The following MACROD2 variants were observed in gnomAD, a reference collection of about 807,000 sequenced individuals.
MACROD2 encodes mono-ADP ribosylhydrolase 2.
MACROD2 carries 36 observed loss-of-function variants against 70.4 expected under a neutral mutation model. The observed-to-expected ratio is 0.51, with a 90% CI of 0.39 to 0.68. The LOEUF is 0.68. MACROD2 is among the 30% of genes least tolerant of loss of function. The pLI, the probability that MACROD2 is intolerant of heterozygous loss-of-function variation, is 0.00. For missense variants in MACROD2, 496 were observed against 538.4 expected, an observed-to-expected ratio of 0.92 and a Z score of 0.78; for synonymous variants, 172 against 178.8, an observed-to-expected ratio of 0.96 and a Z score of 0.30.
chr20:16,048,296 A>G lies in MACROD2; in HGVS notation c.1301-1534A>G, dbSNP rs16997009. 4.1e-3 allele frequency among the ~76,000 whole-genome samples: 619 copies of G among 152,314 alleles called. 1 individual carries two copies. Among genetic ancestry groups the G allele is most frequent in the East Asian group, 8.1e-3 (42 of 5,186 alleles). ...ACGTTAAGAGAGTAGGAAATTTTGA[A>G]GATTTTATAAAATAACTACATTTGA... On this transcript the variant is annotated intron_variant, in intron 17 of 17. Transcript: ENST00000684519.
chr20:15,247,484 A>AT (rs562972204), intron 6 of MACROD2, among the ~76,000 whole-genome samples: 15 of 152,152 alleles, frequency 9.9e-5, no homozygotes, highest in Non-Finnish European at 1.3e-4. Context: ...ACAAAAAAGT[A>AT]TTTTTTTAAA....
At chr20:15,309,441 C>T (rs1389150213) in intron 6 of MACROD2, among the ~76,000 whole-genome samples, 3 of 152,188 alleles carry the variant, frequency 2.0e-5, no homozygotes, top group Non-Finnish European at 4.4e-5. Context: ...TAATTGGCAC[C>T]TAGCACCTTG....
chr20:14,815,611 T>C (rs577766535), intron 5 of MACROD2, among the ~76,000 whole-genome samples: 1 of 152,132 alleles, frequency 6.6e-6, no homozygotes, highest in African/African-American at 2.4e-5. Context: ...AGTATTACAA[T>C]CTGTAGCTAA....
chr20:14,872,816 A>G (rs1455332569), intron 5 of MACROD2, among the ~76,000 whole-genome samples: 2 of 152,298 alleles, frequency 1.3e-5, no homozygotes, highest in Admixed American at 6.5e-5. Flanking sequence ...TAACTGACTC[A>G]CAGTTCAGTA....
At chr20:15,484,303 T>C (rs2047137716) in intron 7 of MACROD2, among the ~76,000 whole-genome samples, 1 of 152,138 alleles carries the variant, frequency 6.6e-6, no homozygotes, top group Non-Finnish European at 1.5e-5. Context: ...AAGCCTTTAG[T>C]CATGTGGTGG....
At chr20:14,348,324 C>T (rs972495828) in intron 3 of MACROD2, among the ~76,000 whole-genome samples, 4 of 150,744 alleles carry the variant, frequency 2.7e-5, no homozygotes, top group Non-Finnish European at 4.4e-5. Context: ...AAAGATGTAT[C>T]GGTATTAGAA....
In MACROD2 at chr20:14,901,889, GC is replaced by G. The variant is rs570040548; in HGVS notation, c.418+216932del. 1.9e-3 allele frequency among the ~76,000 whole-genome samples: 293 copies of G among 152,148 alleles called. 1 individual carries two copies. Among genetic ancestry groups the G allele is most frequent in the South Asian group, 9.8e-3 (47 of 4,818 alleles). On this transcript the variant is annotated intron_variant, in intron 5 of 17. Transcript: ENST00000684519. The stretch of plus-strand genomic sequence containing the variant: ...TTGCTTTTTGCTTTATTTGACTGTG[GC>G]CAAAGGTGGAAAAGGCCTTCTTAGA...
chr20:15,356,524 C>T (rs7261501), intron 6 of MACROD2, among the ~76,000 whole-genome samples: 21,811 of 151,984 alleles, frequency 0.14, 1,625 homozygotes, highest in Middle Eastern at 0.23. Context: ...GGCTCATGTC[C>T]GTAATCCCAA....
chr20:15,914,681 T>C (rs2065286998), intron 10 of MACROD2, among the ~76,000 whole-genome samples: 1 of 152,180 alleles, frequency 6.6e-6, no homozygotes, highest in South Asian at 2.1e-4. Flanking sequence ...CAGACACCAA[T>C]TAGTTGTTCT....
intron 8 of MACROD2, among the ~76,000 whole-genome samples, chr20:15,535,344 G>A (rs377583483): frequency 2.6e-4 from 40 of 152,192 alleles, no homozygotes; most frequent in East Asian, 2.1e-3. Flanking sequence ...TCCCACAGCA[G>A]TGGTTCTCAC....
intron 8 of MACROD2, among the ~76,000 whole-genome samples, chr20:15,514,781 A>T (rs564546386): frequency 8.3e-4 from 126 of 152,322 alleles, no homozygotes; most frequent in Middle Eastern, 3.4e-3. Context: ...TTTTTTGATG[A>T]GATGAGAAAA....
At chr20:15,537,229 C>T (rs1031695516) in intron 8 of MACROD2, among the ~76,000 whole-genome samples, 7 of 152,092 alleles carry the variant, frequency 4.6e-5, no homozygotes, top group African/African-American at 1.7e-4. Flanking sequence ...CTCTTATCTG[C>T]CACCAAGTAA....
chr20:14,371,462 G>T (rs549858105), intron 3 of MACROD2, among the ~76,000 whole-genome samples: 88 of 152,190 alleles, frequency 5.8e-4, no homozygotes, highest in African/African-American at 2.0e-3. Flanking sequence ...TGCACTCTGC[G>T]CTGAGTGACA....
intron 10 of MACROD2, among the ~76,000 whole-genome samples, chr20:15,908,162 T>A (rs913491316): frequency 2.6e-5 from 4 of 152,180 alleles, no homozygotes; most frequent in African/African-American, 7.2e-5. Flanking sequence ...CAAGAACAAA[T>A]GTTTGCTTCC....
chr20:14,941,553 C>T (rs970660538), intron 5 of MACROD2, among the ~76,000 whole-genome samples: 1 of 152,066 alleles, frequency 6.6e-6, no homozygotes, highest in African/African-American at 2.4e-5. Context: ...TATGTAAGTC[C>T]AATTCTCTTA....
chr20:14,482,213 A>C (rs1456409049), intron 3 of MACROD2, among the ~76,000 whole-genome samples: 1 of 151,344 alleles, frequency 6.6e-6, no homozygotes, highest in Non-Finnish European at 1.5e-5. Context: ...GATGTGTAAC[A>C]AGACTTTAAC....
intron 3 of MACROD2, among the ~76,000 whole-genome samples, chr20:14,440,246 A>G (rs557407388): frequency 6.6e-6 from 1 of 152,336 alleles, no homozygotes; most frequent in East Asian, 1.9e-4. Flanking sequence ...TAATATATTC[A>G]GAACAAACTT....
chr20:14,684,524 A>G (rs1399092459), intron 4 of MACROD2, among the ~76,000 whole-genome samples: 1 of 152,154 alleles, frequency 6.6e-6, no homozygotes, highest in East Asian at 1.9e-4. Context: ...GATATGGGGA[A>G]AGGAATTATA....
chr20:15,974,271 G>A (rs1302532842), intron 13 of MACROD2, among the ~76,000 whole-genome samples: 1 of 151,694 alleles, frequency 6.6e-6, no homozygotes, highest in East Asian at 1.9e-4. Flanking sequence ...AGAAGGAGCA[G>A]AGATGAAACA....
Sources: allele counts gnomAD v4.1 joint callset (sites outside exome capture counted in the v4.1 genomes callset), GRCh38; gene constraint gnomAD v4.1.1; transcripts MANE v1.5; gene names NCBI Gene and HGNC (gene_info 2026-07-23, HGNC 2026-07-21).